Variants in GOLGA4 observed in about 807,000 individuals in gnomAD.
GOLGA4 encodes golgin subfamily A member 4.
GOLGA4 carries 169 observed loss-of-function variants against 265.9 expected under a neutral mutation model. That is an observed-to-expected ratio of 0.64 (90% CI 0.56 to 0.72). The LOEUF is 0.72. Ranked by LOEUF, GOLGA4 falls within the 30% of genes least tolerant of loss-of-function variation. GOLGA4 has a pLI of 0.00. For synonymous variants in GOLGA4, 923 were observed against 855.8 expected (o/e 1.08, Z -1.37); for missense variants, 2,482 against 2,483.4 (o/e 1.00, Z 0.01).
At position 37,324,195 on chromosome 3, in the gene GOLGA4, A is replaced by G; in HGVS notation, c.2309A>G (p.Lys770Arg). Residue 770 changes from lysine to arginine, a missense_variant, in exon 14 of 24, where the codon AAG becomes AGG. Coordinates refer to ENST00000361924, the MANE Select transcript of GOLGA4 (RefSeq NM_002078.5). ...QLELLLKERD[K>R]HLKEHQAHVE... ...GAGCTTCTCTTGAAGGAAAGGGACA[A>G]GCATTTGAAAGAGCATCAGGCTCAT... 2 of 1,614,198 alleles carry G rather than the reference A, an allele frequency of 1.2e-6. No individual in the cohort carries two copies. Among genetic ancestry groups the G allele is most frequent in the Non-Finnish European group, 1.7e-6 (2 of 1,180,032 alleles).
In GOLGA4 at chr3:37,337,144, T is replaced by C; in HGVS notation, c.6308T>C (p.Val2103Ala). The stretch of plus-strand genomic sequence containing the variant: ...TGTTTTTTCTTTCCATTTTTTCAGG[T>C]AACAATTATGGAGCTACAGGTAAGG... The part of the protein sequence containing the change: ...EQEENPGNDN[V>A]TIMELQTQLA... The change falls in exon 18 of 24, where the codon GTA becomes GCA. Residue 2103 changes from valine to alanine, a missense_variant and splice_region_variant. Val to Ala is a moderately conservative substitution (Grantham distance 64). Around this residue, in one of 3 missense-constraint regions of GOLGA4, gnomAD observed 942 missense variants for 983.1 expected, o/e 0.96. Coordinates refer to ENST00000361924, the MANE Select transcript of GOLGA4 (RefSeq NM_002078.5). The C allele has an allele frequency of 6.9e-7, 1 of 1,452,006 alleles. No individual in the cohort carries two copies. Among genetic ancestry groups the C allele is most frequent in the Non-Finnish European group, 9.6e-7 (1 of 1,045,788 alleles). 89.9% of individuals were successfully genotyped at this position (1,452,006 alleles called of 1,614,324 possible). A position where few individuals can be genotyped will look rare whatever the true frequency, so the allele number is the denominator to read the frequency against.
intron 20 of GOLGA4, among the ~76,000 whole-genome samples, chr3:37,340,704 G>A (rs116577508): frequency 1.3e-3 from 193 of 152,216 alleles, no homozygotes; most frequent in African/African-American, 4.1e-3. Context: ...TGTGGTATTT[G>A]CCTTTCTTCA....
At chr3:37,345,700 G>A (rs2151034841) in intron 20 of GOLGA4, among the ~76,000 whole-genome samples, 1 of 152,214 alleles carries the variant, frequency 6.6e-6, no homozygotes, top group South Asian at 2.1e-4. Context: ...AGCTATCCCA[G>A]CACTTTGGGA....
chr3:37,321,594 G>T, intron 12 of GOLGA4, 137 bp from the exon 13 acceptor site: 1 of 722,316 alleles, frequency 1.4e-6, no homozygotes, highest in Non-Finnish European at 2.3e-6. Flanking sequence ...TAGAGCATGG[G>T]AGGAGAGAGA....
chr3:37,347,232 A>T lies in GOLGA4; in HGVS notation c.6512A>T (p.Glu2171Val). 2 of 1,613,024 alleles carry T rather than the reference A, an allele frequency of 1.2e-6. No individual in the cohort carries two copies. The highest frequency in any genetic ancestry group is 1.7e-6 in the Non-Finnish European group (2 of 1,179,334). ...CATACGGATGTCTCACTCTTTGGAG[A>T]ACCTACCGAATTTGAGTATTTGCGA... ...LYHTDVSLFG[E>V]PTEFEYLRKV... is the part of the protein sequence containing the mutation. The change falls in exon 21 of 24, where the codon GAA becomes GTA. Residue 2171 changes from glutamate (E) to valine (V), a missense_variant. Glu to Val is a moderately radical substitution (Grantham distance 121). This residue lies in a region of GOLGA4 where 942 missense variants were observed against 983.1 expected (regional missense o/e 0.96). Coordinates refer to ENST00000361924, the MANE Select transcript of GOLGA4 (RefSeq NM_002078.5).
chr3:37,263,236 T>C (rs1221011963), intron 2 of GOLGA4, among the ~76,000 whole-genome samples: 3 of 152,252 alleles, frequency 2.0e-5, no homozygotes, highest in Non-Finnish European at 2.9e-5. Context: ...GGCTCTACCA[T>C]GTATCCTAGG....
chr3:37,360,447 C>T (rs1696166440), intron 22 of GOLGA4, among the ~76,000 whole-genome samples: 3 of 152,036 alleles, frequency 2.0e-5, no homozygotes, highest in Admixed American at 2.0e-4. Context: ...TCTAGCTTGT[C>T]TTTTGGTTTT....
In GOLGA4 at chr3:37,335,160, T is replaced by C. The variant is rs1334821236; in HGVS notation, c.6300T>C (p.Asn2100=). The change falls in exon 17 of 24, where the codon AAT becomes AAC. Residue 2100 remains asparagine, a synonymous_variant. Coordinates refer to ENST00000361924, the MANE Select transcript of GOLGA4 (RefSeq NM_002078.5). ...TAGAGCAGGAGGAGAACCCTGGCAA[T>C]GATAATGTGAGAGGAGTTTGAGTTT... ...QKLEQEENPG[N]DNVTIMELQT... 6.4e-7 allele frequency: 1 copy of C among 1,552,270 alleles called. No homozygotes were observed. The highest frequency in any genetic ancestry group is 8.9e-7 in the Non-Finnish European group (1 of 1,128,038).
intron 20 of GOLGA4, among the ~76,000 whole-genome samples, chr3:37,345,827 A>G (rs1168230785): frequency 6.6e-6 from 1 of 151,964 alleles, no homozygotes; most frequent in Middle Eastern, 3.2e-3. Flanking sequence ...CACACCTGTA[A>G]TCTCAGCTGC....
At chr3:37,340,220 T>C (rs1367351475) in intron 20 of GOLGA4, 21 bp downstream of exon 20, 2 of 845,070 alleles carry the variant, frequency 2.4e-6, no homozygotes, top group African/African-American at 3.5e-5. Flanking sequence ...TCTCGTGTCA[T>C]GTTATTAACT....
intron 1 of GOLGA4, among the ~76,000 whole-genome samples, chr3:37,249,257 G>A (rs1422893971): frequency 6.6e-6 from 1 of 152,146 alleles, no homozygotes; most frequent in East Asian, 1.9e-4. Flanking sequence ...TTCAAGGTAG[G>A]CTCAAACTTA....
intron 9 of GOLGA4, among the ~76,000 whole-genome samples, chr3:37,299,639 A>G (rs1390740636): frequency 6.6e-6 from 1 of 152,246 alleles, no homozygotes; most frequent in Non-Finnish European, 1.5e-5. Context: ...TTTATAGTAC[A>G]TAACTACTTT....
chr3:37,271,122 C>T (rs1052865137), intron 2 of GOLGA4, among the ~76,000 whole-genome samples: 6 of 152,106 alleles, frequency 3.9e-5, no homozygotes, highest in African/African-American at 7.2e-5. Flanking sequence ...ATGCGAGTGA[C>T]GGGGAGCAGG....
rs572038814 is a variant in GOLGA4 at position 37,360,586 on chromosome 3, C to T, written c.6664-657C>T. 4.3e-4 allele frequency among the ~76,000 whole-genome samples: 66 copies of T among 152,130 alleles called. 1 individual carries two copies. The highest frequency in any genetic ancestry group is 1.5e-3 in the African/African-American group (61 of 41,516). Reference sequence around the variant, plus strand: ...TTTTAATGCTGCCATTTTAAATCACCGTGAAGGTAATTAATGATTTTGGAC... The same window carrying T: ...TTTTAATGCTGCCATTTTAAATCACTGTGAAGGTAATTAATGATTTTGGAC... On this transcript the variant is annotated intron_variant, in intron 22 of 23. Coordinates refer to ENST00000361924, the MANE Select transcript of GOLGA4 (RefSeq NM_002078.5).
intron 21 of GOLGA4, among the ~76,000 whole-genome samples, chr3:37,352,528 A>T (rs956366580): frequency 1.3e-5 from 2 of 152,044 alleles, no homozygotes; most frequent in African/African-American, 4.8e-5. Flanking sequence ...GAGCCAAATC[A>T]TGTCGCTGCT....
chr3:37,280,369 A>G (rs1460861015), intron 2 of GOLGA4, among the ~76,000 whole-genome samples: 4 of 152,208 alleles, frequency 2.6e-5, no homozygotes, highest in Non-Finnish European at 5.9e-5. Flanking sequence ...CAGTGTACAC[A>G]CTTTGTTTCA....
chr3:37,358,642 G>A (rs1487130527), intron 22 of GOLGA4, among the ~76,000 whole-genome samples: 3 of 152,202 alleles, frequency 2.0e-5, no homozygotes, highest in Non-Finnish European at 2.9e-5. Context: ...GAGTGATAAT[G>A]TAGGGATGGT....
intron 23 of GOLGA4, 125 bp downstream of exon 23, chr3:37,361,430 T>G: frequency 1.7e-6 from 1 of 594,722 alleles, no homozygotes; most frequent in Non-Finnish European, 3.0e-6. Flanking sequence ...TGGGTTAATA[T>G]AAGTATTTTC....
At chr3:37,293,073 T>G (rs1453245452) in intron 5 of GOLGA4, among the ~76,000 whole-genome samples, 1 of 152,214 alleles carries the variant, frequency 6.6e-6, no homozygotes, top group African/African-American at 2.4e-5. Context: ...TTGCTTATAA[T>G]TCTTTGAAAA....
Sources: gnomAD v4.1 joint callset for allele counts (sites outside exome capture counted in the v4.1 genomes callset) on GRCh38, gnomAD v4.1.1 for gene constraint, gnomAD v4.1.1 regional missense constraint, MANE v1.5 for transcripts, NCBI Gene and HGNC (gene_info 2026-07-23, HGNC 2026-07-21) for gene names.